Variants in TMIGD3 observed in about 807,000 individuals in gnomAD.
TMIGD3 encodes the protein AD026 protein (AD026).
In TMIGD3, 21 loss-of-function variants were observed where a neutral mutation model predicts 28.1. That is an observed-to-expected ratio of 0.75 (90% CI 0.53 to 1.08). TMIGD3 has a LOEUF of 1.08. Ranked by LOEUF, TMIGD3 falls within the 50% of genes least tolerant of loss-of-function variation. The pLI is 0.00. For synonymous variants in TMIGD3, 151 were observed against 162.1 expected (o/e 0.93, Z 0.52); for missense variants, 416 against 435.6 (o/e 0.96, Z 0.40).
chr1:111,504,404 C>A (rs10776727), upstream of TMIGD3, among the ~76,000 whole-genome samples: 71,387 of 151,984 alleles, frequency 0.47, 18,674 homozygotes, highest in Admixed American at 0.61. Context: ...GCCCCATCCC[C>A]GCAGGAACAG....
intron 1 of TMIGD3, among the ~76,000 whole-genome samples, chr1:111,523,239 A>G (rs1244018983): frequency 6.6e-6 from 1 of 152,176 alleles, no homozygotes; most frequent in East Asian, 1.9e-4. Flanking sequence ...TGACACAATG[A>G]TATGGTTTTT....
At chr1:111,500,124 C>T in intron 1 of TMIGD3, 3 of 1,614,146 alleles carry the variant, frequency 1.9e-6, no homozygotes, top group Non-Finnish European at 1.7e-6. Flanking sequence ...ACAGCACAAG[C>T]TGTGGTACCT....
intron 1 of TMIGD3, among the ~76,000 whole-genome samples, chr1:111,543,415 T>C (rs1312396632): frequency 2.6e-5 from 4 of 152,272 alleles, no homozygotes; most frequent in Admixed American, 6.5e-5. Context: ...CCATCTCCCG[T>C]CTATTCGCCA....
chr1:111,509,010 G>A (rs1044420855), intron 1 of TMIGD3, among the ~76,000 whole-genome samples: 4 of 152,248 alleles, frequency 2.6e-5, no homozygotes, highest in Non-Finnish European at 4.4e-5. Context: ...CAGGAGAATT[G>A]CTTGAACCCG....
intron 1 of TMIGD3, among the ~76,000 whole-genome samples, chr1:111,491,567 G>T (rs1331436041): frequency 1.3e-5 from 2 of 152,238 alleles, no homozygotes; most frequent in Admixed American, 1.3e-4. Flanking sequence ...CTCTCTGGAG[G>T]AAGGGGAGCC....
chr1:111,504,293 C>T (rs766242153), upstream of TMIGD3, among the ~76,000 whole-genome samples: 22 of 152,126 alleles, frequency 1.4e-4, no homozygotes, highest in East Asian at 3.8e-4. Flanking sequence ...ATGTGAGGAA[C>T]GACAGAATAG....
rs1165914934 is a variant in TMIGD3, at chr1:111,502,173, TAAATATATA to T, written c.350+823_350+831del. ...TATATAGGATATATATTTATTATAATAAATATATAGGATATATATATTATAATAAATATA... is the reference window on the plus strand; with the variant it reads ...TATATAGGATATATATTTATTATAATGGATATATATATTATAATAAATATA... On this transcript the variant is annotated intron_variant, in intron 1 of 5. Transcript: ENST00000369716. Among the ~76,000 whole-genome samples, 745 of 79,766 alleles carry T rather than the reference TAAATATATA, an allele frequency of 9.3e-3. 122 individuals carry two copies. Among genetic ancestry groups the T allele is most frequent in the East Asian group, 0.029 (69 of 2,408 alleles). The allele number at this position is 79,766 out of a possible 152,430, so 52.3% of individuals were successfully genotyped here.
At chr1:111,542,783 G>A (rs1416534861) in intron 1 of TMIGD3, among the ~76,000 whole-genome samples, 2 of 151,884 alleles carry the variant, frequency 1.3e-5, no homozygotes, top group East Asian at 1.9e-4. Context: ...TGAAACCTCC[G>A]CCTCCCGGGT....
chr1:111,548,653 T>C (rs1657130419), intron 1 of TMIGD3, among the ~76,000 whole-genome samples: 1 of 152,194 alleles, frequency 6.6e-6, no homozygotes, highest in African/African-American at 2.4e-5. Flanking sequence ...ACAAACAAGA[T>C]TAATTTTTTC....
chr1:111,555,800 A>C (rs1657464564), intron 1 of TMIGD3, among the ~76,000 whole-genome samples: 1 of 152,224 alleles, frequency 6.6e-6, no homozygotes. Flanking sequence ...AATTAAAACT[A>C]TAAACCTCTT....
At chr1:111,528,678 T>C (rs1014739148) in intron 1 of TMIGD3, among the ~76,000 whole-genome samples, 2 of 152,196 alleles carry the variant, frequency 1.3e-5, no homozygotes, top group African/African-American at 4.8e-5. Flanking sequence ...TTTATTTGGT[T>C]CTTTTTTATT....
Position 111,503,249 on chromosome 1 carries a change from C to A in TMIGD3, c.106G>T (p.Val36Leu). ...TGCAGGCTGGGGTTCAGCTTGACCA[C>A]GCAGATGACCAGCACGTTGCCCACT... Reference protein sequence around the residue: ...AIVGNVLVICVVKLNPSLQTT... With the variant: ...AIVGNVLVICLVKLNPSLQTT... Residue 36 changes from valine (V) to leucine (L), a missense_variant, in exon 1 of 6, where the codon GTG (valine) becomes TTG (leucine). Val to Leu is a conservative substitution (Grantham distance 32, BLOSUM62 1). Transcript: ENST00000369716. 1 of 1,614,194 alleles carries A rather than the reference C, an allele frequency of 6.2e-7. No homozygotes were observed. The highest frequency in any genetic ancestry group is 1.1e-5 in the South Asian group (1 of 91,074).
chr1:111,515,853 C>T (rs1291104166), intron 1 of TMIGD3, among the ~76,000 whole-genome samples: 1 of 152,216 alleles, frequency 6.6e-6, no homozygotes, highest in East Asian at 1.9e-4. Context: ...ACTCCGGGAG[C>T]CGGGGAGGCC....
In TMIGD3 at chr1:111,485,723, C is replaced by CAAAAAAAG; in HGVS notation, c.973+16_973+17insCTTTTTTT. ...TCTAATTCTTGCCCACCCCCTCCCTCAACAATAGCTACTTACCCCTTCTAT... is the reference window on the plus strand; with the variant it reads ...TCTAATTCTTGCCCACCCCCTCCCTCAAAAAAAGAACAATAGCTACTTACCCCTTCTAT... On this transcript the variant is annotated intron_variant, in intron 5 of 5. Transcript: ENST00000369716. 7.5e-7 allele frequency: 1 copy of CAAAAAAAG among 1,324,638 alleles called. No homozygotes were observed. Among genetic ancestry groups the CAAAAAAAG allele is most frequent in the Non-Finnish European group, 1.1e-6 (1 of 933,686 alleles). The allele number at this position is 1,324,638 out of a possible 1,614,324, so 82.1% of individuals were successfully genotyped here.
intron 1 of TMIGD3, among the ~76,000 whole-genome samples, chr1:111,498,093 G>A (rs1654976603): frequency 6.6e-6 from 1 of 152,146 alleles, no homozygotes. Flanking sequence ...CTTGATTCCT[G>A]GGCTGACAGG....
chr1:111,541,962 G>GTTTCC (rs1656843516), intron 1 of TMIGD3, among the ~76,000 whole-genome samples: 2 of 152,112 alleles, frequency 1.3e-5, no homozygotes, highest in Non-Finnish European at 2.9e-5. Flanking sequence ...AACTGGAGAG[G>GTTTCC]AAAGGCAAGG....
chr1:111,486,551 C>A, intron 4 of TMIGD3, 35 bp downstream of exon 4: 1 of 1,556,208 alleles, frequency 6.4e-7, no homozygotes, highest in Non-Finnish European at 8.9e-7. Flanking sequence ...ACCCCACCGC[C>A]CCAAGCCCAT....
At chr1:111,561,946 T>A (rs766289446) in intron 1 of TMIGD3, among the ~76,000 whole-genome samples, 3 of 152,014 alleles carry the variant, frequency 2.0e-5, no homozygotes, top group Non-Finnish European at 4.4e-5. Context: ...GCATTTACCC[T>A]CCCTACTGAC....
chr1:111,548,257 G>A (rs959408740), intron 1 of TMIGD3, among the ~76,000 whole-genome samples: 12 of 152,218 alleles, frequency 7.9e-5, no homozygotes, highest in African/African-American at 2.9e-4. Context: ...CTGGCCTCAA[G>A]CGACCCACCC....
Sources: allele counts gnomAD v4.1 joint callset (sites outside exome capture counted in the v4.1 genomes callset), GRCh38; gene constraint gnomAD v4.1.1; transcripts MANE v1.5; gene names NCBI Gene and HGNC (gene_info 2026-07-23, HGNC 2026-07-21).